The following HOXA13 variants were observed in gnomAD, a reference collection of about 807,000 sequenced individuals.
HOXA13 encodes the protein homeobox protein Hox-A13.
A neutral mutation model predicts 25.7 loss-of-function variants in HOXA13; 5 were observed. The ratio of observed to expected loss-of-function variants is 0.19; its 90% CI spans 0.10 to 0.41. The LOEUF is 0.41. HOXA13 is among the 10% of genes least tolerant of loss of function. The pLI, the probability that HOXA13 is intolerant of heterozygous loss-of-function variation, is 1.00. For missense variants in HOXA13, 557 were observed against 533.5 expected (o/e 1.04, Z -0.43); for synonymous variants, 284 against 241.1 (o/e 1.18, Z -1.65).
At position 27,199,739 on chromosome 7, in the gene HOXA13, G is replaced by A; in HGVS notation, c.339C>T (p.Pro113=). 1 of 995,152 alleles carries A rather than the reference G, an allele frequency of 1.0e-6. No homozygotes were observed. The highest frequency in any genetic ancestry group is 1.2e-6 in the Non-Finnish European group (1 of 838,266). The allele number at this position is 995,152 out of a possible 1,614,324, so 61.6% of individuals were successfully genotyped here. A position where few individuals can be genotyped will look rare whatever the true frequency, so the allele number is the denominator to read the frequency against. The change falls in exon 1 of 2, where the codon CCC becomes CCT. Residue 113 remains proline (P), a synonymous_variant. Transcript: ENST00000649031. ...CGGCAGCAGCGGCGGCAGCCGACGGGGGCGCCTCCCCGGGGGCGCTGCTGT... is the reference window on the plus strand; with the variant it reads ...CGGCAGCAGCGGCGGCAGCCGACGGAGGCGCCTCCCCGGGGGCGCTGCTGT... The part of the protein sequence containing the change: ...SAYSSAPGEA[P]PSAAAAAAAA...
rs1784009726 is a variant in HOXA13, at chr7:27,196,862, T to G, written c.*1336A>C. On this transcript the variant is annotated 3_prime_UTR_variant, in exon 2 of 2. Coordinates refer to ENST00000649031, the MANE Select transcript of HOXA13 (RefSeq NM_000522.5). ...ATTTAGCATAGGAAAGTAAAGAGTATTTTCTGCAGATTTTAATGGCAGTGA... is the reference window on the plus strand; with the variant it reads ...ATTTAGCATAGGAAAGTAAAGAGTAGTTTCTGCAGATTTTAATGGCAGTGA... 1 of 177,002 alleles carries G rather than the reference T, an allele frequency of 5.6e-6. No homozygotes were observed. The highest frequency in any genetic ancestry group is 2.4e-5 in the African/African-American group (1 of 42,278). The allele number at this position is 177,002 out of a possible 1,614,324, so 11.0% of individuals were successfully genotyped here. A position where few individuals can be genotyped will look rare whatever the true frequency, so the allele number is the denominator to read the frequency against.
At position 27,199,955 on chromosome 7, in the gene HOXA13, A is replaced by G; in HGVS notation, c.123T>C (p.Ala41=). ...CCGCCGCCGCTGCAGCCGCTGCTGC[A>G]GCCGCCGCCGCCCCTTCCATGTTCT... is the stretch of plus-strand genomic sequence containing the variant. ...LNKNMEGAAA[A]AAAAAAAAAA... is the part of the protein sequence containing the mutation. The change falls in exon 1 of 2, where the codon GCT becomes GCC. Residue 41 remains alanine, a synonymous_variant. Coordinates refer to ENST00000649031, the MANE Select transcript of HOXA13 (RefSeq NM_000522.5). The G allele has an allele frequency of 1.5e-6, 2 of 1,338,322 alleles. No homozygotes were observed. Among genetic ancestry groups the G allele is most frequent in the Non-Finnish European group, 2.0e-6 (2 of 1,024,726 alleles). 82.9% of individuals were successfully genotyped at this position (1,338,322 alleles called of 1,614,324 possible).
Position 27,199,238 on chromosome 7 carries a change from C to A in HOXA13, c.840G>T (p.Ala280=). ...GLPMESYQPW[A]LPNGWNGQMY... is the part of the protein sequence containing the mutation. Reference sequence around the variant, plus strand: ...TTTGGCCGTTCCAGCCGTTGGGCAGCGCCCAGGGCTGGTAGCTTTCCATGG... The same window carrying A: ...TTTGGCCGTTCCAGCCGTTGGGCAGAGCCCAGGGCTGGTAGCTTTCCATGG... Residue 280 remains alanine, a synonymous_variant, in exon 1 of 2, where the codon GCG becomes GCT. Transcript: ENST00000649031. 1 of 1,613,720 alleles carries A rather than the reference C, an allele frequency of 6.2e-7. No homozygotes were observed. Among genetic ancestry groups the A allele is most frequent in the Non-Finnish European group, 8.5e-7 (1 of 1,179,798 alleles).
Position 27,194,467 on chromosome 7 carries a change from T to C in HOXA13, c.*3731A>G, listed in dbSNP as rs1583446026. On this transcript the variant is annotated 3_prime_UTR_variant, in exon 2 of 2. Coordinates refer to ENST00000649031, the MANE Select transcript of HOXA13 (RefSeq NM_000522.5). Reference sequence around the variant, plus strand: ...TTCAACAACATTATCCATGGGTCAGTGGCTGATACTATTATTCCTATTTTT... The same window carrying C: ...TTCAACAACATTATCCATGGGTCAGCGGCTGATACTATTATTCCTATTTTT... The C allele has an allele frequency of 6.6e-6, 1 of 152,212 alleles. No homozygotes were observed. Among genetic ancestry groups the C allele is most frequent in the Non-Finnish European group, 1.5e-5 (1 of 68,036 alleles). 9.4% of individuals were successfully genotyped at this position (152,212 alleles called of 1,614,324 possible).
In HOXA13 at chr7:27,197,397, G is replaced by A. The variant is rs1314638177; in HGVS notation, c.*801C>T. 9.4e-6 allele frequency: 2 copies of A among 213,564 alleles called. No homozygotes were observed. Among genetic ancestry groups the A allele is most frequent in the East Asian group, 7.1e-5 (1 of 14,090 alleles). The allele number at this position is 213,564 out of a possible 1,614,324, so 13.2% of individuals were successfully genotyped here. On this transcript the variant is annotated 3_prime_UTR_variant, in exon 2 of 2. Transcript: ENST00000649031. ...ATAAAGTGAATTCTGTGGATCATCT[G>A]ATGATGTAAACATTTTCAAAAAGAT...
chr7:27,194,507 T>C lies in HOXA13; in HGVS notation c.*3691A>G, dbSNP rs143349939. The C allele has an allele frequency of 1.1e-4, 16 of 152,358 alleles. 1 individual carries two copies. In the East Asian group the frequency reaches 2.7e-3, roughly 26 times the overall value. The allele number at this position is 152,358 out of a possible 1,614,324, so 9.4% of individuals were successfully genotyped here. The stretch of plus-strand genomic sequence containing the variant: ...TTCCTATTTTTCAGGAGGTGGCTGG[T>C]CTCTCCTTGATTTTTGTTTTTGTTT... On this transcript the variant is annotated 3_prime_UTR_variant, in exon 2 of 2. Transcript: ENST00000649031.
In HOXA13 at chr7:27,199,251, T is replaced by C; in HGVS notation, c.827A>G (p.Tyr276Cys). The C allele has an allele frequency of 1.9e-6, 3 of 1,613,922 alleles. No individual in the cohort carries two copies. The highest frequency in any genetic ancestry group is 2.5e-6 in the Non-Finnish European group (3 of 1,179,942). Residue 276 changes from tyrosine (Y) to cysteine (C), a missense_variant, in exon 1 of 2, where the codon TAC (tyrosine) becomes TGC (cysteine). Coordinates refer to ENST00000649031, the MANE Select transcript of HOXA13 (RefSeq NM_000522.5). ...GCCGTTGGGCAGCGCCCAGGGCTGG[T>C]AGCTTTCCATGGGAAGACCCAAGGG... is the stretch of plus-strand genomic sequence containing the variant. ...HEPLGLPMES[Y>C]QPWALPNGWN... is the part of the protein sequence containing the mutation.
In HOXA13 at chr7:27,199,388, G is replaced by C; in HGVS notation, c.690C>G (p.Phe230Leu). The part of the protein sequence containing the change: ...EFSSRAKEFA[F>L]YHQGYAAGPY... ...GCCCGGCTGCGTAGCCCTGGTGGTA[G>C]AAGGCGAACTCCTTAGCGCGGGAGC... The change falls in exon 1 of 2, where the codon TTC becomes TTG. Residue 230 changes from phenylalanine to leucine, a missense_variant. Coordinates refer to ENST00000649031, the MANE Select transcript of HOXA13 (RefSeq NM_000522.5). 6.2e-7 allele frequency: 1 copy of C among 1,614,100 alleles called. No homozygotes were observed. Among genetic ancestry groups the C allele is most frequent in the Non-Finnish European group, 8.5e-7 (1 of 1,179,986 alleles).
Position 27,196,564 on chromosome 7 carries a change from G to A in HOXA13, c.*1634C>T, listed in dbSNP as rs1474398549. On this transcript the variant is annotated 3_prime_UTR_variant, in exon 2 of 2. Coordinates refer to ENST00000649031, the MANE Select transcript of HOXA13 (RefSeq NM_000522.5). ...CAACAGCAGATTTTAAAATACGACA[G>A]CCTAGGCATTGCTGCTACAAAACAA... 6.6e-6 allele frequency: 1 copy of A among 152,222 alleles called. No homozygotes were observed. The highest frequency in any genetic ancestry group is 6.5e-5 in the Admixed American group (1 of 15,278). The allele number at this position is 152,222 out of a possible 1,614,324, so 9.4% of individuals were successfully genotyped here.
At position 27,195,087 on chromosome 7, in the gene HOXA13, C is replaced by T. The variant is rs1783989089; in HGVS notation, c.*3111G>A. 1.3e-5 allele frequency: 2 copies of T among 152,220 alleles called. No individual in the cohort carries two copies. Among genetic ancestry groups the T allele is most frequent in the African/African-American group, 2.4e-5 (1 of 41,448 alleles). The allele number at this position is 152,220 out of a possible 1,614,324, so 9.4% of individuals were successfully genotyped here. On this transcript the variant is annotated 3_prime_UTR_variant, in exon 2 of 2. Coordinates refer to ENST00000649031, the MANE Select transcript of HOXA13 (RefSeq NM_000522.5). ...AGGTGGAGAGGTGGGTCTGAAGCAA[C>T]ATTATCATTTGTTTCCACAAGTGGA...
In HOXA13 at chr7:27,196,562, C is replaced by G. The variant is rs1784006062; in HGVS notation, c.*1636G>C. On this transcript the variant is annotated 3_prime_UTR_variant, in exon 2 of 2. Coordinates refer to ENST00000649031, the MANE Select transcript of HOXA13 (RefSeq NM_000522.5). ...CCCAACAGCAGATTTTAAAATACGA[C>G]AGCCTAGGCATTGCTGCTACAAAAC... 6.6e-6 allele frequency: 1 copy of G among 152,248 alleles called. No homozygotes were observed. The highest frequency in any genetic ancestry group is 1.5e-5 in the Non-Finnish European group (1 of 68,044). The allele number at this position is 152,248 out of a possible 1,614,324, so 9.4% of individuals were successfully genotyped here.
rs571629419 is a variant in HOXA13, at chr7:27,196,692, A to C, written c.*1506T>G. The C allele has an allele frequency of 6.5e-6, 1 of 154,036 alleles. No homozygotes were observed. The highest frequency in any genetic ancestry group is 2.1e-4 in the South Asian group (1 of 4,830). The allele number at this position is 154,036 out of a possible 1,614,324, so 9.5% of individuals were successfully genotyped here. On this transcript the variant is annotated 3_prime_UTR_variant, in exon 2 of 2. Coordinates refer to ENST00000649031, the MANE Select transcript of HOXA13 (RefSeq NM_000522.5). ...CCTGACACTTTAATCTCCTTGAAGC[A>C]CTTATCATTTTTTAGGATTTTAGTT... is the stretch of plus-strand genomic sequence containing the variant.
At position 27,199,327 on chromosome 7, in the gene HOXA13, C is replaced by G; in HGVS notation, c.751G>C (p.Asp251His). Residue 251 changes from aspartate to histidine, a missense_variant, in exon 1 of 2, where the codon GAT (aspartate) becomes CAT (histidine). By Grantham distance (81) the Asp-to-His change is moderately conservative (BLOSUM62 -1). Coordinates refer to ENST00000649031, the MANE Select transcript of HOXA13 (RefSeq NM_000522.5). ...CCGAGGCCCGGCACCACTGGCATAT[C>G]CAGGTAGCCAGGCATGGGCTGATGG... Reference protein sequence around the residue: ...HHHQPMPGYLDMPVVPGLGGP... With the variant: ...HHHQPMPGYLHMPVVPGLGGP... The G allele has an allele frequency of 6.2e-7, 1 of 1,614,084 alleles. No homozygotes were observed. Among genetic ancestry groups the G allele is most frequent in the Non-Finnish European group, 8.5e-7 (1 of 1,179,990 alleles).
rs1351500384 is a variant in HOXA13, at chr7:27,195,938, T to C, written c.*2260A>G. On this transcript the variant is annotated 3_prime_UTR_variant, in exon 2 of 2. Transcript: ENST00000649031. ...GAAGGAATGGTGATTTAAGAACACA[T>C]CTTAGACTGTAACAAAAATGTACAG... 1 of 152,200 alleles carries C rather than the reference T, an allele frequency of 6.6e-6. No homozygotes were observed. The highest frequency in any genetic ancestry group is 1.5e-5 in the Non-Finnish European group (1 of 68,030). The allele number at this position is 152,200 out of a possible 1,614,324, so 9.4% of individuals were successfully genotyped here.
rs768206920 is a variant in HOXA13, at chr7:27,198,418, G to A, written c.947C>T (p.Ala316Val). Residue 316 changes from alanine (A) to valine (V), a missense_variant, in exon 2 of 2, where the codon GCC becomes GTC. By Grantham distance (64) the Ala-to-Val change is moderately conservative. Transcript: ENST00000649031. Reference protein sequence around the residue: ...LPDVVSHPSDASSYRRGRKKR... With the variant: ...LPDVVSHPSDVSSYRRGRKKR... ...CTTTCTCCCCCTCCTATAGGAGCTGGCATCCGAGGGATGGGAGACCACGTC... is the reference window on the plus strand; with the variant it reads ...CTTTCTCCCCCTCCTATAGGAGCTGACATCCGAGGGATGGGAGACCACGTC... 6.8e-6 allele frequency: 11 copies of A among 1,613,962 alleles called. No individual in the cohort carries two copies. The highest frequency in any genetic ancestry group is 8.5e-6 in the Non-Finnish European group (10 of 1,180,040).
Position 27,199,628 on chromosome 7 carries a change from G to A in HOXA13, c.450C>T (p.Ala150=). 1.5e-6 allele frequency: 2 copies of A among 1,357,866 alleles called. No individual in the cohort carries two copies. The highest frequency in any genetic ancestry group is 1.9e-6 in the Non-Finnish European group (2 of 1,063,166). 84.1% of individuals were successfully genotyped at this position (1,357,866 alleles called of 1,614,324 possible). The change falls in exon 1 of 2, where the codon GCC becomes GCT. Residue 150 remains alanine (A), a synonymous_variant. Coordinates refer to ENST00000649031, the MANE Select transcript of HOXA13 (RefSeq NM_000522.5). The part of the protein sequence containing the change: ...GPAGPAGAEA[A]KQCSPCSAAA... The stretch of plus-strand genomic sequence containing the variant: ...CTGCCGAGCAGGGGCTGCATTGCTT[G>A]GCGGCCTCTGCGCCCGCCGGGCCCG...
At chr7:27,198,616 G>A in intron 1 of HOXA13, 174 bp from the exon 2 acceptor site, 1 of 726,214 alleles carries the variant, frequency 1.4e-6, no homozygotes, top group Admixed American at 2.5e-5. Context: ...AGTTAGTTCT[G>A]AACTGAAATG....
At position 27,195,884 on chromosome 7, in the gene HOXA13, G is replaced by A. The variant is rs1467722949; in HGVS notation, c.*2314C>T. On this transcript the variant is annotated 3_prime_UTR_variant, in exon 2 of 2. Transcript: ENST00000649031. ...ACTCCTCAATAGCTCTAATTACAGT[G>A]TGAGACCACCCTGGAGGGTGAGGAC... 6.6e-6 allele frequency: 1 copy of A among 152,206 alleles called. No homozygotes were observed. Among genetic ancestry groups the A allele is most frequent in the Non-Finnish European group, 1.5e-5 (1 of 68,030 alleles). 9.4% of individuals were successfully genotyped at this position (152,206 alleles called of 1,614,324 possible).
At position 27,200,037 on chromosome 7, in the gene HOXA13, G is replaced by A; in HGVS notation, c.41C>T (p.Pro14Leu). The A allele has an allele frequency of 1.3e-6, 2 of 1,485,364 alleles. No individual in the cohort carries two copies. Among genetic ancestry groups the A allele is most frequent in the Non-Finnish European group, 1.8e-6 (2 of 1,103,144 alleles). 92.0% of individuals were successfully genotyped at this position (1,485,364 alleles called of 1,614,324 possible). A position where few individuals can be genotyped will look rare whatever the true frequency, so the allele number is the denominator to read the frequency against. The change falls in exon 1 of 2, where the codon CCC becomes CTC. Residue 14 changes from proline to leucine, a missense_variant. Transcript: ENST00000649031. Reference sequence around the variant, plus strand: ...GTTGTCGTAGAGAAACATGACGGTGGGCTCGATCCAGCGGGGGTGGAGGAG... The same window carrying A: ...GTTGTCGTAGAGAAACATGACGGTGAGCTCGATCCAGCGGGGGTGGAGGAG... ...SVLLHPRWIE[P>L]TVMFLYDNGG... is the part of the protein sequence containing the mutation.
Sources: allele counts gnomAD v4.1 joint callset, GRCh38; gene constraint gnomAD v4.1.1; transcripts MANE v1.5; gene names NCBI Gene and HGNC (gene_info 2026-07-23, HGNC 2026-07-21).